ZMYND11: variants seen among roughly 807,000 people sequenced by gnomAD.
ZMYND11 encodes the protein zinc finger MYND domain-containing protein 11.
ZMYND11 carries 9 observed loss-of-function variants against 84.9 expected under a neutral mutation model. That is an observed-to-expected ratio of 0.11 (90% CI 0.06 to 0.18). The LOEUF (loss-of-function observed/expected upper bound fraction) is 0.18, where lower values mean the gene tolerates loss of function less well. ZMYND11 is among the 10% of genes least tolerant of loss of function. The pLI, the probability that ZMYND11 is intolerant of heterozygous loss-of-function variation, is 1.00. For synonymous variants in ZMYND11, 250 were observed against 244.1 expected (o/e 1.02, Z -0.23); for missense variants, 409 against 761.0 (o/e 0.54, Z 5.44).
At chr10:164,007 G>A (rs1159385928) in intron 1 of ZMYND11, among the ~76,000 whole-genome samples, 2 of 152,084 alleles carry the variant, frequency 1.3e-5, no homozygotes, top group Non-Finnish European at 2.9e-5. Flanking sequence ...ATTTGGCTGT[G>A]GAAAGGGAAT....
chr10:134,643 C>CGTACTTCTCA (rs1165276410), upstream of ZMYND11: 9 of 152,230 alleles, frequency 5.9e-5, no homozygotes, highest in Non-Finnish European at 1.0e-4. Context: ...GAGAAGCACT[C>CGTACTTCTCA]GTACTTCTCA....
At chr10:152,198 C>G (rs1012214091) in intron 1 of ZMYND11, among the ~76,000 whole-genome samples, 5 of 152,156 alleles carry the variant, frequency 3.3e-5, no homozygotes, top group Non-Finnish European at 7.3e-5. Flanking sequence ...ATGACAGGAT[C>G]AAGTTCACTC....
chr10:170,286 T>G lies in ZMYND11; in HGVS notation c.-19-9708T>G, dbSNP rs183479112. On this transcript the variant is annotated intron_variant, in intron 1 of 14. Coordinates refer to ENST00000381604, the MANE Select transcript of ZMYND11 (RefSeq NM_001370100.5). ...AAAGTTCTTCAGAAAGAAGGCAAATTATTTCAGTTAGAAACCTGGATGTAG... is the reference window on the plus strand; with the variant it reads ...AAAGTTCTTCAGAAAGAAGGCAAATGATTTCAGTTAGAAACCTGGATGTAG... 3.3e-5 allele frequency among the ~76,000 whole-genome samples: 5 copies of G among 152,268 alleles called. No homozygotes were observed. In the East Asian group the frequency reaches 7.7e-4, roughly 23 times the overall value.
Position 253,915 on chromosome 10 carries a change from C to T in ZMYND11, c.*1445C>T, listed in dbSNP as rs969335044. ...TGTAACTAAGTCTTCTGTGAAATAT[C>T]ATCCATCTAATCTTGATGCTGTTGC... is the stretch of plus-strand genomic sequence containing the variant. On this transcript the variant is annotated 3_prime_UTR_variant, in exon 15 of 15. Transcript: ENST00000381604. The T allele has an allele frequency of 2.6e-5, 4 of 152,642 alleles. No homozygotes were observed. Among genetic ancestry groups the T allele is most frequent in the African/African-American group, 9.6e-5 (4 of 41,454 alleles). The allele number at this position is 152,642 out of a possible 1,614,324, so 9.5% of individuals were successfully genotyped here.
At position 236,870 on chromosome 10, in the gene ZMYND11, G is replaced by A. The variant is rs774856120; in HGVS notation, c.471G>A (p.Glu157=). ...AGAAGAAGAATACAAACAAACAGGA[G>A]ATGGGCACATACCTCAGATTCATTG... ...SIKKKNTNKQ[E]MGTYLRFIVS... Residue 157 remains glutamate (E), a synonymous_variant, in exon 5 of 15, where the codon GAG becomes GAA. Transcript: ENST00000381604. 1 of 1,613,326 alleles carries A rather than the reference G, an allele frequency of 6.2e-7. No homozygotes were observed. The highest frequency in any genetic ancestry group is 2.2e-5 in the East Asian group (1 of 44,824).
intron 4 of ZMYND11, among the ~76,000 whole-genome samples, chr10:234,166 T>G (rs1019013467): frequency 2.6e-5 from 4 of 152,250 alleles, no homozygotes; most frequent in Non-Finnish European, 5.9e-5. Flanking sequence ...AAACAGTGGA[T>G]GGCTTTATTT....
At chr10:251,751 A>G (rs1360516112) in intron 14 of ZMYND11, among the ~76,000 whole-genome samples, 1 of 152,060 alleles carries the variant, frequency 6.6e-6, no homozygotes, top group Non-Finnish European at 1.5e-5. Flanking sequence ...TCTTTGGGGG[A>G]GGTGTACATG....
chr10:187,034 C>T (rs1020563508), intron 2 of ZMYND11, among the ~76,000 whole-genome samples: 2 of 151,904 alleles, frequency 1.3e-5, no homozygotes, highest in African/African-American at 4.8e-5. Flanking sequence ...TTGAGAACAG[C>T]CTGAGCAACA....
At chr10:229,896 G>A (rs1310422990) in intron 4 of ZMYND11, among the ~76,000 whole-genome samples, 2 of 152,084 alleles carry the variant, frequency 1.3e-5, no homozygotes, top group Non-Finnish European at 2.9e-5. Context: ...CGATATTACA[G>A]AGTGTTTTGA....
chr10:210,399 G>T (rs965599628), intron 3 of ZMYND11, among the ~76,000 whole-genome samples: 1 of 152,216 alleles, frequency 6.6e-6, no homozygotes, highest in Non-Finnish European at 1.5e-5. Flanking sequence ...CATCTAGACA[G>T]ATAGAAGGGG....
At chr10:195,622 C>T (rs1484476831) in intron 2 of ZMYND11, among the ~76,000 whole-genome samples, 2 of 152,146 alleles carry the variant, frequency 1.3e-5, no homozygotes, top group Admixed American at 1.3e-4. Flanking sequence ...ACAGACAACA[C>T]TGCACAGCAT....
intron 1 of ZMYND11, among the ~76,000 whole-genome samples, chr10:163,216 C>T (rs998977854): frequency 3.3e-5 from 5 of 151,938 alleles, no homozygotes; most frequent in South Asian, 2.1e-4. Flanking sequence ...GTTTTATGAC[C>T]GCTCCCCATC....
At chr10:221,578 C>T (rs1437084386) in intron 4 of ZMYND11, among the ~76,000 whole-genome samples, 1 of 152,126 alleles carries the variant, frequency 6.6e-6, no homozygotes, top group African/African-American at 2.4e-5. Flanking sequence ...AAAAATATAT[C>T]CTCTTCCCTT....
intron 3 of ZMYND11, among the ~76,000 whole-genome samples, chr10:219,114 G>T (rs1946689536): frequency 6.6e-6 from 1 of 152,050 alleles, no homozygotes; most frequent in African/African-American, 2.4e-5. Context: ...TTTCATTTCT[G>T]TAATTGGTTA....
chr10:150,099 G>A (rs577058118), intron 1 of ZMYND11, among the ~76,000 whole-genome samples: 18 of 152,266 alleles, frequency 1.2e-4, no homozygotes, highest in South Asian at 4.2e-4. Flanking sequence ...TCTGCCAGGC[G>A]TTGGTATCAG....
intron 4 of ZMYND11, among the ~76,000 whole-genome samples, chr10:224,510 T>G (rs764759185): frequency 6.6e-6 from 1 of 152,202 alleles, no homozygotes; most frequent in South Asian, 2.1e-4. Flanking sequence ...CTGAGATCTC[T>G]CTCATTAAAT....
intron 2 of ZMYND11, 62 bp downstream of exon 2, chr10:180,190 C>A: frequency 3.0e-6 from 4 of 1,351,480 alleles, no homozygotes; most frequent in Admixed American, 2.1e-5. Flanking sequence ...GGGGAAAGGC[C>A]AAAAAAAATT....
At chr10:244,151 TTA>T (rs1349309667) in intron 10 of ZMYND11, among the ~76,000 whole-genome samples, 2 of 152,178 alleles carry the variant, frequency 1.3e-5, no homozygotes, top group African/African-American at 4.8e-5. Flanking sequence ...AGGATATACT[TTA>T]TAGTCTTCCA....
chr10:132,300 T>C (rs531963865), upstream of ZMYND11, among the ~76,000 whole-genome samples: 519 of 148,654 alleles, frequency 3.5e-3, 3 homozygotes, highest in African/African-American at 0.012. Context: ...ATATATATTT[T>C]ATATATATAT....
Sources: allele counts gnomAD v4.1 joint callset (sites outside exome capture counted in the v4.1 genomes callset), GRCh38; gene constraint gnomAD v4.1.1; transcripts MANE v1.5; gene names NCBI Gene and HGNC (gene_info 2026-07-23, HGNC 2026-07-21).